TEKTL1: variants seen among roughly 807,000 people sequenced by gnomAD.
TEKTL1 encodes the protein tektin-like protein 1.
chr19:15,021,573 G>A, the TEKTL1 span: 1 of 1,613,504 alleles, frequency 6.2e-7, no homozygotes, highest in Admixed American at 1.7e-5. Flanking sequence ...AGGAGACGCG[G>A]ACTGGGAGCC....
chr19:15,011,489 T>A, the TEKTL1 span: 1 of 1,154,372 alleles, frequency 8.7e-7, no homozygotes, highest in Non-Finnish European at 1.1e-6. Flanking sequence ...CTTTCCATAC[T>A]TTGGGAGGCC....
At chr19:15,014,738 C>CGGGG in the TEKTL1 span, among the ~76,000 whole-genome samples, 39 of 29,812 alleles carry the variant, frequency 1.3e-3, no homozygotes, top group African/African-American at 4.9e-3. Context: ...GGGCGGGGGG[C>CGGGG]GGGGGCTGCT....
At chr19:15,022,768 C>T in the TEKTL1 span, 1 of 1,272,160 alleles carries the variant, frequency 7.9e-7, no homozygotes, top group East Asian at 2.6e-5. Flanking sequence ...ATGTGTTCCC[C>T]TCCTCAGCTG....
At chr19:15,021,530 T>C in the TEKTL1 span, 48 of 1,613,594 alleles carry the variant, frequency 3.0e-5, no homozygotes, top group Admixed American at 6.7e-5. Context: ...GTGAGCGCAT[T>C]ACCTGCGGCT....
At chr19:15,021,930 TC>T in the TEKTL1 span, 3 of 1,597,456 alleles carry the variant, frequency 1.9e-6, no homozygotes, top group Non-Finnish European at 2.6e-6. Context: ...GTAAACCCCC[TC>T]CCCCGTACCC....
chr19:15,019,893 G>A, the TEKTL1 span, among the ~76,000 whole-genome samples: 1 of 151,832 alleles, frequency 6.6e-6, no homozygotes, highest in Admixed American at 6.6e-5. Flanking sequence ...CTTGAGCCCA[G>A]GAGGTTGAGG....
the TEKTL1 span, among the ~76,000 whole-genome samples, chr19:15,017,470 G>T: frequency 6.6e-6 from 1 of 152,286 alleles, no homozygotes; most frequent in Admixed American, 6.5e-5. Flanking sequence ...GAGGAAGTAA[G>T]ATTTCGATGG....
At chr19:15,022,802 G>A in the TEKTL1 span, 33 of 1,476,944 alleles carry the variant, frequency 2.2e-5, no homozygotes, top group East Asian at 1.3e-4. Context: ...CACACCTGGC[G>A]CAGGTGTGCC....
chr19:15,020,683 G>A, the TEKTL1 span: 48,372 of 1,582,598 alleles, frequency 0.031, 1,996 homozygotes, highest in African/African-American at 0.19. Context: ...GTACTGGGTC[G>A]TATTGGTGCC....
chr19:15,014,617 TTCACG>T, the TEKTL1 span, among the ~76,000 whole-genome samples: 5 of 151,304 alleles, frequency 3.3e-5, no homozygotes, highest in African/African-American at 1.2e-4. Flanking sequence ...TAAATTATAT[TTCACG>T]TAGCAAAGCT....
the TEKTL1 span, among the ~76,000 whole-genome samples, chr19:15,019,774 G>T: frequency 6.6e-6 from 1 of 152,002 alleles, no homozygotes; most frequent in African/African-American, 2.4e-5. Flanking sequence ...GATTGCTTGA[G>T]CCTAGGAGTT....
the TEKTL1 span, chr19:15,021,550 G>A: frequency 6.2e-7 from 1 of 1,613,570 alleles, no homozygotes; most frequent in Non-Finnish European, 8.5e-7. Flanking sequence ...TGCGGGCCAG[G>A]GTGGGACAGG....
the TEKTL1 span, chr19:15,021,629 T>A: frequency 6.2e-7 from 1 of 1,614,056 alleles, no homozygotes; most frequent in Admixed American, 1.7e-5. Flanking sequence ...AGATTAAATA[T>A]GACGTTAGGA....
the TEKTL1 span, chr19:15,013,851 C>G: frequency 3.6e-6 from 3 of 841,500 alleles, no homozygotes; most frequent in Non-Finnish European, 5.9e-6. Flanking sequence ...ACCACTCTGA[C>G]CTGGGGACTG....
the TEKTL1 span, among the ~76,000 whole-genome samples, chr19:15,015,990 G>T: frequency 6.6e-6 from 1 of 151,736 alleles, no homozygotes; most frequent in Non-Finnish European, 1.5e-5. Flanking sequence ...AACTGCATTT[G>T]AATAAGCATT....
the TEKTL1 span, among the ~76,000 whole-genome samples, chr19:15,018,732 A>ATATATATATATATATATATATATAT: frequency 6.6e-4 from 52 of 78,528 alleles, 3 homozygotes; most frequent in Middle Eastern, 7.0e-3. Flanking sequence ...ATATATATAT[A>ATATATATATATATATATATATATAT]ACTTCCCTGG....
the TEKTL1 span, chr19:15,021,343 G>A: frequency 1.9e-6 from 3 of 1,613,196 alleles, no homozygotes; most frequent in Non-Finnish European, 2.5e-6. Context: ...CGCATCCTGG[G>A]CATTTGCAGC....
the TEKTL1 span, chr19:15,023,112 A>T: frequency 1.3e-6 from 2 of 1,592,650 alleles, no homozygotes; most frequent in South Asian, 2.2e-5. Flanking sequence ...AGCAGCGCGG[A>T]CCCCTAGTGA....
At chr19:15,012,345 C>A in the TEKTL1 span, among the ~76,000 whole-genome samples, 1 of 152,014 alleles carries the variant, frequency 6.6e-6, no homozygotes, top group African/African-American at 2.4e-5. Flanking sequence ...AGGAGGATTG[C>A]TTGAGGCCAG....
Sources: allele counts gnomAD v4.1 joint callset (sites outside exome capture counted in the v4.1 genomes callset), GRCh38; gene constraint gnomAD v4.1.1; transcripts MANE v1.5; gene names NCBI Gene and HGNC (gene_info 2026-07-23, HGNC 2026-07-21).